DOCK1: variants seen among roughly 807,000 people sequenced by gnomAD.
DOCK1 encodes dedicator of cytokinesis protein 1.
DOCK1 carries 138 observed loss-of-function variants against 262.7 expected under a neutral mutation model. The ratio of observed to expected loss-of-function variants is 0.53; its 90% CI spans 0.46 to 0.61. The LOEUF is 0.61. DOCK1 is among the 20% of genes least tolerant of loss of function. The pLI, the probability that DOCK1 is intolerant of heterozygous loss-of-function variation, is 0.00. For missense variants in DOCK1, 1,908 were observed against 2,370.7 expected (o/e 0.80, Z 4.05); for synonymous variants, 866 against 867.4 (o/e 1.00, Z 0.03).
chr10:127,181,752 G>A (rs994882702), intron 27 of DOCK1, among the ~76,000 whole-genome samples: 4 of 152,118 alleles, frequency 2.6e-5, no homozygotes, highest in Admixed American at 1.3e-4. Context: ...GGCTTCCACC[G>A]GAAGGGGAGG....
intron 23 of DOCK1, among the ~76,000 whole-genome samples, chr10:127,095,661 CTGTGTGTGTGTGTG>C (rs61224822): frequency 6.8e-6 from 1 of 148,100 alleles, no homozygotes; most frequent in African/African-American, 2.5e-5. Context: ...GGCCAGGAAG[CTGTGTGTGTGTGTG>C]TGTGTGTGTG....
At chr10:127,252,799 G>A (rs867259549) in intron 28 of DOCK1, among the ~76,000 whole-genome samples, 30 of 151,810 alleles carry the variant, frequency 2.0e-4, no homozygotes, top group Non-Finnish European at 2.6e-4. Flanking sequence ...GCCTTGTAGT[G>A]TAGTTTGAAG....
chr10:127,063,378 A>T (rs1288304743), intron 23 of DOCK1, among the ~76,000 whole-genome samples: 1 of 152,184 alleles, frequency 6.6e-6, no homozygotes, highest in Non-Finnish European at 1.5e-5. Flanking sequence ...AAACCAGCAT[A>T]AGTAGACATG....
rs186967394 is a variant in DOCK1 at position 127,134,869 on chromosome 10, C to T, written c.2847+7105C>T. ...GTGGCCTCTCCTCTCCTAGGCCGTC[C>T]AGGTGAGGCAAACACCAGCCCACGT... On this transcript the variant is annotated intron_variant, in intron 27 of 51. Coordinates refer to ENST00000623213, the MANE Select transcript of DOCK1 (RefSeq NM_001290223.2). Among the ~76,000 whole-genome samples the T allele has an allele frequency of 3.6e-3, 546 of 152,254 alleles. 3 individuals carry two copies. The highest frequency in any genetic ancestry group is 5.6e-3 in the Non-Finnish European group (379 of 68,026).
chr10:127,114,763 T>C (rs865961569), intron 25 of DOCK1, among the ~76,000 whole-genome samples: 1 of 149,276 alleles, frequency 6.7e-6, no homozygotes, highest in African/African-American at 2.5e-5. Context: ...TTCTTTCTTT[T>C]TTTTTTTTTT....
intron 29 of DOCK1, among the ~76,000 whole-genome samples, chr10:127,338,668 T>C (rs2063299728): frequency 6.6e-6 from 1 of 152,214 alleles, no homozygotes; most frequent in Non-Finnish European, 1.5e-5. Flanking sequence ...CATAGAACAT[T>C]AAGACATGGC....
intron 25 of DOCK1, among the ~76,000 whole-genome samples, chr10:127,112,186 AT>A (rs1286977862): frequency 6.6e-6 from 1 of 151,948 alleles, no homozygotes. Flanking sequence ...TAATTTCTGT[AT>A]TTTTAGTAGA....
At chr10:126,924,739 G>A (rs61875483) in intron 1 of DOCK1, among the ~76,000 whole-genome samples, 72,102 of 152,016 alleles carry the variant, frequency 0.47, 17,779 homozygotes, top group Middle Eastern at 0.61. Flanking sequence ...GCTCTAGAAC[G>A]TTTGTCTGCA....
chr10:127,150,768 A>T (rs966555525), intron 27 of DOCK1, among the ~76,000 whole-genome samples: 1 of 152,138 alleles, frequency 6.6e-6, no homozygotes, highest in Admixed American at 6.5e-5. Flanking sequence ...AAAATATTCA[A>T]TGAAAAAGGT....
chr10:127,008,532 T>C (rs1158962156), intron 10 of DOCK1, among the ~76,000 whole-genome samples, 200 bp from the exon 11 acceptor site: 2 of 152,140 alleles, frequency 1.3e-5, no homozygotes, highest in Admixed American at 6.6e-5. Context: ...ACTCTGCCAT[T>C]TGAGCCCCAA....
At chr10:127,008,523 C>G (rs79744236) in intron 10 of DOCK1, among the ~76,000 whole-genome samples, 154 of 152,280 alleles carry the variant, frequency 1.0e-3, no homozygotes, top group African/African-American at 3.5e-3. Flanking sequence ...TTAAATGGAA[C>G]TCTGCCATTT....
intron 1 of DOCK1, among the ~76,000 whole-genome samples, chr10:126,968,876 C>T (rs972831950): frequency 6.6e-6 from 1 of 152,198 alleles, no homozygotes; most frequent in African/African-American, 2.4e-5. Context: ...TAATAACCAT[C>T]TTTGTCAGTT....
At chr10:126,954,861 C>CT (rs1565004642) in intron 1 of DOCK1, among the ~76,000 whole-genome samples, 1 of 152,202 alleles carries the variant, frequency 6.6e-6, no homozygotes, top group Non-Finnish European at 1.5e-5. Context: ...TGCCTTTTAG[C>CT]TATTGTGAAT....
intron 33 of DOCK1, among the ~76,000 whole-genome samples, chr10:127,363,026 C>T (rs1565027583): frequency 5.5e-5 from 8 of 145,312 alleles, no homozygotes; most frequent in East Asian, 2.0e-4. Flanking sequence ...CACACACACA[C>T]ACATGCACCT....
intron 27 of DOCK1, among the ~76,000 whole-genome samples, chr10:127,223,851 G>C (rs1452011474): frequency 1.3e-5 from 2 of 152,164 alleles, no homozygotes; most frequent in Non-Finnish European, 2.9e-5. Context: ...GGGGACCCAG[G>C]AAATCTTAGG....
rs773571301 is a variant in DOCK1 at position 127,447,474 on chromosome 10, T to G, written c.5494T>G (p.Tyr1832Asp). 2 of 1,613,842 alleles carry G rather than the reference T, an allele frequency of 1.2e-6. No individual in the cohort carries two copies. Among genetic ancestry groups the G allele is most frequent in the South Asian group, 2.2e-5 (2 of 91,010 alleles). ...PLPLKGSVAD[Y>D]GNLMENQDLL... ...GCCTCTCAAAGGCAGCGTGGCAGAT[T>G]ACGGGAATTTGATGGAAAACCAGGA... Residue 1832 changes from tyrosine to aspartate, a missense_variant, in exon 51 of 52, where the codon TAC becomes GAC. Transcript: ENST00000623213.
At chr10:127,300,484 A>G in intron 29 of DOCK1, among the ~76,000 whole-genome samples, 1 of 152,242 alleles carries the variant, frequency 6.6e-6, no homozygotes, top group Admixed American at 6.5e-5. Flanking sequence ...GTCGAAGGAC[A>G]AAGTCTAAGG....
chr10:127,060,566 AAC>A (rs1215351936), intron 22 of DOCK1, among the ~76,000 whole-genome samples: 1 of 152,230 alleles, frequency 6.6e-6, no homozygotes, highest in Non-Finnish European at 1.5e-5. Flanking sequence ...AGTATTAGTA[AAC>A]ACTGTATTAA....
intron 23 of DOCK1, among the ~76,000 whole-genome samples, chr10:127,093,668 T>A (rs866376760): frequency 5.9e-5 from 9 of 151,876 alleles, no homozygotes; most frequent in Non-Finnish European, 1.0e-4. Context: ...TTTTTTTTTC[T>A]TATAAAGATA....
Sources: gnomAD v4.1 joint callset for allele counts (sites outside exome capture counted in the v4.1 genomes callset) on GRCh38, gnomAD v4.1.1 for gene constraint, MANE v1.5 for transcripts, NCBI Gene and HGNC (gene_info 2026-07-23, HGNC 2026-07-21) for gene names.